KCNH7: variants seen among roughly 807,000 people sequenced by gnomAD.
The protein encoded by KCNH7 is voltage-gated inwardly rectifying potassium channel KCNH7.
A neutral mutation model predicts 120.8 loss-of-function variants in KCNH7; 49 were observed. The ratio of observed to expected loss-of-function variants is 0.41; its 90% CI spans 0.32 to 0.51. KCNH7 has a LOEUF of 0.51. Among genes scored for constraint, KCNH7 ranks in the 20% least tolerant of loss-of-function variants. The pLI is 0.38. For synonymous variants in KCNH7, 547 were observed against 516.1 expected (o/e 1.06, Z -0.81); for missense variants, 1,097 against 1,446.6 (o/e 0.76, Z 3.92).
At chr2:162,783,308 C>G (rs1275384450) in intron 2 of KCNH7, among the ~76,000 whole-genome samples, 1 of 152,056 alleles carries the variant, frequency 6.6e-6, no homozygotes, top group African/African-American at 2.4e-5. Flanking sequence ...ATTCCTTATC[C>G]CATGACACTC....
intron 2 of KCNH7, among the ~76,000 whole-genome samples, chr2:162,678,081 A>G (rs181287366): frequency 2.6e-5 from 4 of 151,530 alleles, no homozygotes; most frequent in Admixed American, 2.0e-4. Context: ...CATTTAATTA[A>G]TATATGTGTA....
At chr2:162,733,916 A>G (rs1223563882) in intron 2 of KCNH7, among the ~76,000 whole-genome samples, 1 of 152,194 alleles carries the variant, frequency 6.6e-6, no homozygotes, top group Non-Finnish European at 1.5e-5. Flanking sequence ...AAGTCTCACC[A>G]TGTACCAGGT....
At chr2:162,807,768 CGCCTCCCAGGTT>C (rs1410055882) in intron 2 of KCNH7, among the ~76,000 whole-genome samples, 1 of 151,530 alleles carries the variant, frequency 6.6e-6, no homozygotes, top group Non-Finnish European at 1.5e-5. Flanking sequence ...CTGCAACCTC[CGCCTCCCAGGTT>C]CAAGCGATTC....
intron 3 of KCNH7, chr2:162,528,175 G>A (rs1051881554): frequency 6.6e-6 from 1 of 151,916 alleles, no homozygotes; most frequent in African/African-American, 2.4e-5. Flanking sequence ...ACATGTATTA[G>A]ATACTTACTA....
At chr2:162,553,519 G>T (rs2105862736) in intron 2 of KCNH7, among the ~76,000 whole-genome samples, 1 of 152,160 alleles carries the variant, frequency 6.6e-6, no homozygotes, top group African/African-American at 2.4e-5. Flanking sequence ...TGTGGTGGCG[G>T]GCGCCTGTAG....
At chr2:162,646,746 A>G (rs565599345) in intron 2 of KCNH7, among the ~76,000 whole-genome samples, 2 of 152,248 alleles carry the variant, frequency 1.3e-5, no homozygotes, top group East Asian at 3.9e-4. Flanking sequence ...GACAGCAAAA[A>G]AAGAAAAAGG....
intron 6 of KCNH7, among the ~76,000 whole-genome samples, chr2:162,494,110 A>C (rs543686987): frequency 6.6e-5 from 10 of 152,262 alleles, no homozygotes; most frequent in Admixed American, 6.5e-4. Flanking sequence ...AGATAGAATT[A>C]TGTTTAAGGT....
intron 2 of KCNH7, among the ~76,000 whole-genome samples, chr2:162,698,474 G>T (rs1192435350): frequency 1.3e-5 from 2 of 148,686 alleles, no homozygotes; most frequent in African/African-American, 5.0e-5. Flanking sequence ...TTTTTTTCAG[G>T]CTTATTAATA....
At chr2:162,831,821 G>A (rs1250103393) in intron 2 of KCNH7, among the ~76,000 whole-genome samples, 3 of 152,168 alleles carry the variant, frequency 2.0e-5, no homozygotes, top group Admixed American at 6.5e-5. Context: ...CTCTCAAGCT[G>A]GCAGACAACA....
chr2:162,684,372 T>G (rs1320958199), intron 2 of KCNH7, among the ~76,000 whole-genome samples: 1 of 152,088 alleles, frequency 6.6e-6, no homozygotes, highest in African/African-American at 2.4e-5. Flanking sequence ...ACTAAAGACC[T>G]TCTGTATAGC....
chr2:162,812,597 A>G (rs1684772747), intron 2 of KCNH7, among the ~76,000 whole-genome samples: 1 of 152,044 alleles, frequency 6.6e-6, no homozygotes, highest in Non-Finnish European at 1.5e-5. Context: ...TATTCCAAGG[A>G]GAAGACAAAT....
At chr2:162,667,810 T>C (rs189708809) in intron 2 of KCNH7, among the ~76,000 whole-genome samples, 3 of 152,208 alleles carry the variant, frequency 2.0e-5, no homozygotes, top group Non-Finnish European at 2.9e-5. Flanking sequence ...ACTTGTTTTG[T>C]GTTTGTTGTT....
At chr2:162,579,532 T>A (rs532469562) in intron 2 of KCNH7, among the ~76,000 whole-genome samples, 1 of 152,150 alleles carries the variant, frequency 6.6e-6, no homozygotes, top group Admixed American at 6.5e-5. Flanking sequence ...ACCTCCCTAG[T>A]GTTTGACATA....
At chr2:162,750,701 G>A (rs1366189436) in intron 2 of KCNH7, among the ~76,000 whole-genome samples, 1 of 152,034 alleles carries the variant, frequency 6.6e-6, no homozygotes, top group Non-Finnish European at 1.5e-5. Flanking sequence ...AAGACAGTTT[G>A]ATTTATTTAA....
At chr2:162,694,660 A>G (rs182475215) in intron 2 of KCNH7, among the ~76,000 whole-genome samples, 99 of 152,252 alleles carry the variant, frequency 6.5e-4, no homozygotes, top group African/African-American at 2.3e-3. Context: ...TGGCAAAACT[A>G]CTAAGAGGAG....
At chr2:162,690,909 G>A (rs1686078148) in intron 2 of KCNH7, among the ~76,000 whole-genome samples, 1 of 152,114 alleles carries the variant, frequency 6.6e-6, no homozygotes, top group Non-Finnish European at 1.5e-5. Context: ...TCAGATCCCT[G>A]CATTCTTATT....
At chr2:162,718,612 CTT>C (rs1334265369) in intron 2 of KCNH7, among the ~76,000 whole-genome samples, 1 of 151,914 alleles carries the variant, frequency 6.6e-6, no homozygotes, top group Non-Finnish European at 1.5e-5. Flanking sequence ...TCTGGAAGAA[CTT>C]TCAAAATTGG....
chr2:162,518,607 C>A lies in KCNH7; in HGVS notation c.464-449G>T, dbSNP rs546781844. 1.5e-4 allele frequency among the ~76,000 whole-genome samples: 22 copies of A among 151,638 alleles called. 1 individual carries two copies. Among genetic ancestry groups the A allele is most frequent in the African/African-American group, 4.8e-4 (20 of 41,422 alleles). ...TGGGGAGCTAATGTGTTGGAACAGGCAGGAAGGAAGTGAGGTGAGGTAAAG... is the reference window on the plus strand; with the variant it reads ...TGGGGAGCTAATGTGTTGGAACAGGAAGGAAGGAAGTGAGGTGAGGTAAAG... On this transcript the variant is annotated intron_variant, in intron 3 of 15. Coordinates refer to ENST00000332142, the MANE Select transcript of KCNH7 (RefSeq NM_033272.4).
Position 162,791,347 on chromosome 2 carries a change from A to T in KCNH7, c.307+45190T>A, listed in dbSNP as rs533400876. On this transcript the variant is annotated intron_variant, in intron 2 of 15. Coordinates refer to ENST00000332142, the MANE Select transcript of KCNH7 (RefSeq NM_033272.4). ...ATGTCAATGGTAGTTTAATAGGAAT[A>T]CTATTGAATTTCTAAATTGCTTTGG... is the stretch of plus-strand genomic sequence containing the variant. Among the ~76,000 whole-genome samples the T allele has an allele frequency of 3.9e-5, 6 of 152,132 alleles. No homozygotes were observed. The South Asian group carries it at 1.0e-3, about 26-fold the overall frequency.
Sources: gnomAD v4.1 joint callset for allele counts (sites outside exome capture counted in the v4.1 genomes callset) on GRCh38, gnomAD v4.1.1 for gene constraint, MANE v1.5 for transcripts, NCBI Gene and HGNC (gene_info 2026-07-23, HGNC 2026-07-21) for gene names.